The following NPAS3 variants were observed in gnomAD, a reference collection of about 807,000 sequenced individuals.
NPAS3 encodes neuronal PAS domain-containing protein 3.
Under a neutral mutation model 73.1 loss-of-function variants are expected in NPAS3, and 14 were observed. The ratio of observed to expected loss-of-function variants is 0.19; its 90% CI spans 0.13 to 0.30. The LOEUF is 0.30. Ranked by LOEUF, NPAS3 falls within the 10% of genes least tolerant of loss-of-function variation. The pLI, the probability that NPAS3 is intolerant of heterozygous loss-of-function variation, is 1.00. For missense variants in NPAS3, 1,096 were observed against 1,250.0 expected, an observed-to-expected ratio of 0.88 and a Z score of 1.86; for synonymous variants, 620 against 541.5, an observed-to-expected ratio of 1.14 and a Z score of -2.01.
chr14:33,640,089 C>T (rs998063989), intron 5 of NPAS3, among the ~76,000 whole-genome samples: 5 of 151,902 alleles, frequency 3.3e-5, no homozygotes, highest in South Asian at 2.1e-4. Context: ...TGGTGGTGTA[C>T]GTCCGTAATC....
At chr14:33,454,071 C>T (rs1321780818) in intron 4 of NPAS3, among the ~76,000 whole-genome samples, 1 of 151,544 alleles carries the variant, frequency 6.6e-6, no homozygotes, top group East Asian at 1.9e-4. Flanking sequence ...ATTTCATGCT[C>T]AGTTATGATA....
intron 2 of NPAS3, among the ~76,000 whole-genome samples, chr14:33,080,401 C>T (rs532119205): frequency 5.3e-5 from 8 of 152,290 alleles, no homozygotes; most frequent in South Asian, 4.1e-4. Flanking sequence ...CCACCGCGCC[C>T]GGCCCCAGTC....
chr14:33,345,209 T>G (rs1423652718), intron 3 of NPAS3, among the ~76,000 whole-genome samples: 1 of 152,182 alleles, frequency 6.6e-6, no homozygotes, highest in Non-Finnish European at 1.5e-5. Flanking sequence ...CACATAAACC[T>G]CACTTAAACC....
At chr14:33,252,568 A>G (rs764850277) in intron 3 of NPAS3, among the ~76,000 whole-genome samples, 9 of 152,092 alleles carry the variant, frequency 5.9e-5, no homozygotes, top group Admixed American at 2.0e-4. Flanking sequence ...AAAGTTTATT[A>G]GAGTTGTGCA....
chr14:32,936,205 G>A (rs544609524), upstream of NPAS3, among the ~76,000 whole-genome samples: 1 of 152,284 alleles, frequency 6.6e-6, no homozygotes, highest in South Asian at 2.1e-4. Context: ...AGTGACCAGA[G>A]CAGATTTTGC....
intron 2 of NPAS3, among the ~76,000 whole-genome samples, chr14:33,107,952 T>C (rs1378226147): frequency 2.0e-5 from 3 of 152,032 alleles, no homozygotes; most frequent in Non-Finnish European, 2.9e-5. Flanking sequence ...AATTCAGGAG[T>C]GAATTGCTTT....
At chr14:33,482,110 A>C (rs1454327059) in intron 4 of NPAS3, among the ~76,000 whole-genome samples, 1 of 151,726 alleles carries the variant, frequency 6.6e-6, no homozygotes, top group African/African-American at 2.4e-5. Flanking sequence ...GATAGTTGTA[A>C]ATTATTCCCA....
intron 4 of NPAS3, among the ~76,000 whole-genome samples, chr14:33,543,388 A>G (rs1451106168): frequency 6.6e-6 from 1 of 152,176 alleles, no homozygotes; most frequent in African/African-American, 2.4e-5. Flanking sequence ...AGTACCTAGA[A>G]CCTTCCCATT....
At chr14:33,763,075 G>A (rs990084300) in intron 7 of NPAS3, among the ~76,000 whole-genome samples, 7 of 152,076 alleles carry the variant, frequency 4.6e-5, no homozygotes, top group Admixed American at 1.3e-4. Flanking sequence ...CTGCATCCTC[G>A]GGCAGGACAT....
intron 3 of NPAS3, among the ~76,000 whole-genome samples, chr14:33,272,054 A>G (rs2140016221): frequency 1.3e-5 from 2 of 152,328 alleles, no homozygotes; most frequent in South Asian, 4.1e-4. Context: ...GATGCCTTCA[A>G]GTGCTCATCA....
At chr14:33,731,433 AAAAAAAAGAG>A (rs2061397895) in intron 6 of NPAS3, among the ~76,000 whole-genome samples, 1 of 150,888 alleles carries the variant, frequency 6.6e-6, no homozygotes. Flanking sequence ...GAAAAAAAAA[AAAAAAAAGAG>A]AGAGAGAAAG....
At chr14:33,705,306 T>A (rs1173565664) in intron 6 of NPAS3, among the ~76,000 whole-genome samples, 2 of 152,214 alleles carry the variant, frequency 1.3e-5, no homozygotes, top group Non-Finnish European at 2.9e-5. Flanking sequence ...GTTAGTAGCA[T>A]CTACACAGTT....
At chr14:32,959,975 AATTT>A (rs1406653172) in intron 1 of NPAS3, among the ~76,000 whole-genome samples, 3 of 120,826 alleles carry the variant, frequency 2.5e-5, no homozygotes, top group East Asian at 3.9e-4. Flanking sequence ...TGTGAGTTTC[AATTT>A]TTTTTTTTTT....
chr14:33,458,134 GTTTGCTCAAGAAAAGAGCA>G (rs890114238), intron 4 of NPAS3, among the ~76,000 whole-genome samples: 16 of 152,154 alleles, frequency 1.1e-4, no homozygotes. Context: ...AATTACTTCA[GTTTGCTCAAGAAAAGAGCA>G]TTTGCTCAAG....
chr14:33,268,369 ATAAAAC>A (rs2040913915), intron 3 of NPAS3, among the ~76,000 whole-genome samples: 1 of 152,208 alleles, frequency 6.6e-6, no homozygotes. Flanking sequence ...GATTTTGTAA[ATAAAAC>A]TAATATAGTA....
At chr14:33,077,849 A>T (rs1365919449) in intron 2 of NPAS3, among the ~76,000 whole-genome samples, 3 of 133,274 alleles carry the variant, frequency 2.3e-5, no homozygotes, top group Non-Finnish European at 4.6e-5. Context: ...CAGAATTCTC[A>T]TTGAAAATAC....
intron 2 of NPAS3, among the ~76,000 whole-genome samples, chr14:33,199,331 C>T (rs964685216): frequency 4.6e-5 from 7 of 152,216 alleles, no homozygotes; most frequent in South Asian, 4.1e-4. Context: ...TTTCTGATTA[C>T]GCATAGACAC....
At chr14:33,031,359 C>T (rs141547076) in intron 1 of NPAS3, among the ~76,000 whole-genome samples, 13 of 152,270 alleles carry the variant, frequency 8.5e-5, no homozygotes, top group East Asian at 3.9e-4. Flanking sequence ...GGGAACTGAA[C>T]GGTTAAGTGG....
At chr14:33,177,729 G>C (rs1347048539) in intron 2 of NPAS3, among the ~76,000 whole-genome samples, 1 of 152,204 alleles carries the variant, frequency 6.6e-6, no homozygotes, top group Non-Finnish European at 1.5e-5. Context: ...TGGAAATTCA[G>C]TTGCTCCAGC....
Sources: allele counts gnomAD v4.1 joint callset (sites outside exome capture counted in the v4.1 genomes callset), GRCh38; gene constraint gnomAD v4.1.1; transcripts MANE v1.5; gene names NCBI Gene and HGNC (gene_info 2026-07-23, HGNC 2026-07-21).